Variants in ITFG1 observed in about 807,000 individuals in gnomAD.
ITFG1 encodes the protein integrin alpha FG-GAP repeat containing 1.
ITFG1 carries 34 observed loss-of-function variants against 81.8 expected under a neutral mutation model. The observed-to-expected ratio is 0.42, with a 90% CI of 0.32 to 0.55. The LOEUF (loss-of-function observed/expected upper bound fraction) is 0.55. Ranked by LOEUF, ITFG1 falls within the 20% of genes least tolerant of loss-of-function variation. The pLI is 0.17. For missense variants in ITFG1, 672 were observed against 755.4 expected (o/e 0.89, Z 1.29); for synonymous variants, 285 against 270.6 (o/e 1.05, Z -0.52).
chr16:47,420,341 G>C (rs992685497), intron 6 of ITFG1, among the ~76,000 whole-genome samples: 1 of 152,176 alleles, frequency 6.6e-6, no homozygotes, highest in Non-Finnish European at 1.5e-5. Context: ...TTTTGTAAAT[G>C]TCTGTTGGGC....
chr16:47,278,986 ATTTTT>A (rs202039802), intron 10 of ITFG1, among the ~76,000 whole-genome samples: 1 of 151,414 alleles, frequency 6.6e-6, no homozygotes, highest in African/African-American at 2.4e-5. Flanking sequence ...GAATCTTCCT[ATTTTT>A]TTTTATTTTT....
chr16:47,242,542 AAAT>A (rs1453098988), intron 12 of ITFG1, among the ~76,000 whole-genome samples: 1 of 152,178 alleles, frequency 6.6e-6, no homozygotes, highest in Non-Finnish European at 1.5e-5. Context: ...CTATAGATAG[AAAT>A]AAAGATACAA....
chr16:47,180,342 T>C (rs1180698715), intron 14 of ITFG1, among the ~76,000 whole-genome samples: 1 of 151,170 alleles, frequency 6.6e-6, no homozygotes, highest in Non-Finnish European at 1.5e-5. Flanking sequence ...CTTGAAAATA[T>C]GGTATTATTG....
At chr16:47,376,964 C>CAAAAAAA (rs1222007051) in intron 6 of ITFG1, among the ~76,000 whole-genome samples, 2 of 18,076 alleles carry the variant, frequency 1.1e-4, no homozygotes, top group African/African-American at 2.5e-4. Context: ...TCTGTCTCCC[C>CAAAAAAA]AAAAAAAAAA....
chr16:47,215,886 CATTT>C (rs1193353556), intron 14 of ITFG1, among the ~76,000 whole-genome samples: 1 of 151,966 alleles, frequency 6.6e-6, no homozygotes. Flanking sequence ...TTTATGCATT[CATTT>C]GATTTATGCA....
At chr16:47,358,079 C>T (rs1165039728) in intron 8 of ITFG1, among the ~76,000 whole-genome samples, 1 of 152,058 alleles carries the variant, frequency 6.6e-6, no homozygotes, top group Non-Finnish European at 1.5e-5. Context: ...ATACTAATGA[C>T]CTGGGTTTAT....
chr16:47,183,416 C>T (rs1165779592), intron 14 of ITFG1, among the ~76,000 whole-genome samples: 1 of 152,172 alleles, frequency 6.6e-6, no homozygotes, highest in Non-Finnish European at 1.5e-5. Context: ...GTTCTCCCAG[C>T]ACGCAGCTGG....
chr16:47,394,364 C>G (rs1968568873), intron 6 of ITFG1, among the ~76,000 whole-genome samples: 1 of 152,184 alleles, frequency 6.6e-6, no homozygotes, highest in African/African-American at 2.4e-5. Flanking sequence ...AAAGTACCCT[C>G]AACCTTAGCT....
intron 10 of ITFG1, among the ~76,000 whole-genome samples, chr16:47,277,760 T>C (rs1193948670): frequency 6.6e-6 from 1 of 152,210 alleles, no homozygotes; most frequent in East Asian, 1.9e-4. Context: ...AGAAGTAGTA[T>C]GTACGCACAA....
intron 12 of ITFG1, among the ~76,000 whole-genome samples, chr16:47,256,272 A>C (rs1966138450): frequency 6.6e-6 from 1 of 152,066 alleles, no homozygotes; most frequent in Non-Finnish European, 1.5e-5. Flanking sequence ...TCATCCTAGA[A>C]ATTGTGTGAC....
intron 12 of ITFG1, among the ~76,000 whole-genome samples, chr16:47,243,520 AAC>A (rs1427612119): frequency 6.6e-6 from 1 of 152,200 alleles, no homozygotes; most frequent in African/African-American, 2.4e-5. Context: ...TAACATTAAA[AAC>A]ACAGTCTCTT....
chr16:47,358,928 T>C (rs1968074647), intron 8 of ITFG1, among the ~76,000 whole-genome samples: 1 of 151,910 alleles, frequency 6.6e-6, no homozygotes, highest in Non-Finnish European at 1.5e-5. Context: ...TGGAGAAAAA[T>C]AAAGCAGGAA....
At chr16:47,161,397 A>G (rs921877695) in intron 16 of ITFG1, among the ~76,000 whole-genome samples, 1 of 152,224 alleles carries the variant, frequency 6.6e-6, no homozygotes, top group African/African-American at 2.4e-5. Flanking sequence ...GATATATACT[A>G]CTTCTCAAAT....
At chr16:47,332,508 T>G (rs1967649454) in intron 8 of ITFG1, among the ~76,000 whole-genome samples, 1 of 152,256 alleles carries the variant, frequency 6.6e-6, no homozygotes, top group African/African-American at 2.4e-5. Context: ...ATTTTGTTCA[T>G]ATTTTCCTAA....
intron 8 of ITFG1, among the ~76,000 whole-genome samples, chr16:47,350,248 C>T (rs1430438306): frequency 1.3e-5 from 2 of 152,066 alleles, no homozygotes; most frequent in South Asian, 2.1e-4. Context: ...ACAAAAAAAC[C>T]CTTCAAAACA....
intron 14 of ITFG1, among the ~76,000 whole-genome samples, chr16:47,204,527 T>G (rs1180297264): frequency 6.6e-6 from 1 of 152,230 alleles, no homozygotes; most frequent in Non-Finnish European, 1.5e-5. Flanking sequence ...TTTTAAAACA[T>G]TTGTTTTTAT....
chr16:47,214,394 AAAAGC>A (rs1965600401), intron 14 of ITFG1, among the ~76,000 whole-genome samples: 1 of 152,218 alleles, frequency 6.6e-6, no homozygotes, highest in Non-Finnish European at 1.5e-5. Flanking sequence ...TATGGGGTAG[AAAAGC>A]AATTCTTGGT....
At chr16:47,377,648 C>A (rs1322288450) in intron 6 of ITFG1, among the ~76,000 whole-genome samples, 1 of 152,126 alleles carries the variant, frequency 6.6e-6, no homozygotes, top group African/African-American at 2.4e-5. Flanking sequence ...GCTGAAATGT[C>A]CTCTTCCTTC....
chr16:47,259,937 ATTTT>A (rs561470789), intron 11 of ITFG1, among the ~76,000 whole-genome samples: 5 of 140,202 alleles, frequency 3.6e-5, no homozygotes, highest in Admixed American at 1.4e-4. Flanking sequence ...TTGGCTGTAA[ATTTT>A]TTTTTTTTTT....
Sources: allele counts gnomAD v4.1 joint callset (sites outside exome capture counted in the v4.1 genomes callset), GRCh38; gene constraint gnomAD v4.1.1; transcripts MANE v1.5; gene names NCBI Gene and HGNC (gene_info 2026-07-23, HGNC 2026-07-21).